The following ACYP2 variants were observed in gnomAD, a reference collection of about 807,000 sequenced individuals.
ACYP2 encodes the protein acylphosphatase 2, also known as acylphosphatase-2.
Under a neutral mutation model 11.2 loss-of-function variants are expected in ACYP2, and 12 were observed. The observed-to-expected ratio is 1.08, with a 90% CI of 0.69 to 1.74. The LOEUF (loss-of-function observed/expected upper bound fraction) is 1.74, where lower values mean the gene tolerates loss of function less well. Among genes scored for constraint, ACYP2 ranks in the 40% most tolerant of loss-of-function variants. The pLI is 0.00. For missense variants in ACYP2, 134 were observed against 101.9 expected (o/e 1.31, Z -1.35); for synonymous variants, 43 against 32.2 (o/e 1.33, Z -1.13).
At chr2:54,259,243 G>T (rs982554572) in intron 6 of ACYP2, among the ~76,000 whole-genome samples, 1 of 152,218 alleles carries the variant, frequency 6.6e-6, no homozygotes, top group Admixed American at 6.5e-5. Flanking sequence ...TGTTTGAGAT[G>T]ATTATTGGAC....
At chr2:54,200,384 G>A (rs138172734) in intron 6 of ACYP2, among the ~76,000 whole-genome samples, 4 of 152,038 alleles carry the variant, frequency 2.6e-5, no homozygotes, top group African/African-American at 9.7e-5. Context: ...ACTCAACAAG[G>A]CTTGAGTTGG....
intron 4 of ACYP2, among the ~76,000 whole-genome samples, chr2:54,117,318 G>A (rs1423651737): frequency 2.0e-5 from 3 of 152,082 alleles, no homozygotes; most frequent in South Asian, 2.1e-4. Flanking sequence ...AAGAGATGGA[G>A]TCTTGCTCTG....
chr2:54,013,197 A>G (rs1673475389), intron 2 of ACYP2, among the ~76,000 whole-genome samples: 2 of 110,290 alleles, frequency 1.8e-5, no homozygotes, highest in African/African-American at 7.1e-5. Flanking sequence ...ATCCTCAGCA[A>G]TTTCTGTTCC....
intron 6 of ACYP2, chr2:54,166,892 G>T (rs1184930496): frequency 6.6e-6 from 1 of 152,082 alleles, no homozygotes; most frequent in Non-Finnish European, 1.5e-5. Context: ...CAGCAGGCAG[G>T]CCCTCTTGAT....
At chr2:54,189,245 C>G (rs1684136678) in intron 6 of ACYP2, among the ~76,000 whole-genome samples, 1 of 152,160 alleles carries the variant, frequency 6.6e-6, no homozygotes, top group Non-Finnish European at 1.5e-5. Flanking sequence ...TAACTGTAGT[C>G]ATGTTGTCCA....
At chr2:54,008,410 A>G (rs1334252041) in intron 2 of ACYP2, among the ~76,000 whole-genome samples, 1 of 152,204 alleles carries the variant, frequency 6.6e-6, no homozygotes, top group Non-Finnish European at 1.5e-5. Context: ...AGGTTGCCTC[A>G]TGTGCACCTT....
intron 3 of ACYP2, chr2:54,051,622 C>T: frequency 2.7e-6 from 2 of 742,712 alleles, no homozygotes; most frequent in South Asian, 2.7e-5. Context: ...CTGCAGGTGA[C>T]AAGCAGCCTT....
chr2:54,158,461 C>T (rs1446379468), intron 6 of ACYP2, among the ~76,000 whole-genome samples: 1 of 152,094 alleles, frequency 6.6e-6, no homozygotes, highest in East Asian at 1.9e-4. Context: ...CAGCCTTGAC[C>T]TCTCAAAGCA....
chr2:54,064,851 C>A (rs183645189), intron 4 of ACYP2, among the ~76,000 whole-genome samples: 1 of 152,076 alleles, frequency 6.6e-6, no homozygotes, highest in East Asian at 1.9e-4. Flanking sequence ...TTTGGGAGGC[C>A]GAAGCGGGCG....
chr2:53,993,577 G>A (rs900781511), intron 2 of ACYP2, among the ~76,000 whole-genome samples: 30 of 151,760 alleles, frequency 2.0e-4, no homozygotes, highest in African/African-American at 7.3e-4. Flanking sequence ...GGCATCTGTA[G>A]TCTCAGCTCC....
chr2:54,182,256 C>T (rs149832184), intron 6 of ACYP2, among the ~76,000 whole-genome samples: 2,539 of 151,844 alleles, frequency 0.017, 68 homozygotes, highest in African/African-American at 0.057. Context: ...GACAGAGTTT[C>T]GTCATGTTGG....
chr2:54,176,284 G>A (rs1413907033), intron 6 of ACYP2, among the ~76,000 whole-genome samples: 1 of 152,200 alleles, frequency 6.6e-6, no homozygotes, highest in African/African-American at 2.4e-5. Flanking sequence ...GGGAAAGGGT[G>A]TGCCCTCCAC....
intron 6 of ACYP2, among the ~76,000 whole-genome samples, chr2:54,233,813 A>G (rs1010487417): frequency 7.9e-5 from 12 of 152,340 alleles, no homozygotes; most frequent in Non-Finnish European, 1.8e-4. Context: ...AACTTCAAAA[A>G]GGTCACGGGA....
In ACYP2 at chr2:54,106,891, G is replaced by C. The variant is rs141117172; in HGVS notation, c.278-28562G>C. Among the ~76,000 whole-genome samples the C allele has an allele frequency of 2.9e-4, 44 of 152,166 alleles. No individual in the cohort carries two copies. The South Asian group carries it at 8.3e-3, about 29-fold the overall frequency. The stretch of plus-strand genomic sequence containing the variant: ...GAGCCACCATGCCCGGCCAAATTTT[G>C]CTTTTCTTATAACATCCATATCTAA... On this transcript the variant is annotated intron_variant, in intron 4 of 6. Coordinates refer to ENST00000607452, the MANE Select transcript of ACYP2 (RefSeq NM_001320586.2).
Position 54,288,413 on chromosome 2 carries a change from C to T in ACYP2, c.405-16275C>T, listed in dbSNP as rs371081858. On this transcript the variant is annotated intron_variant, in intron 6 of 6. Transcript: ENST00000607452. Reference sequence around the variant, plus strand: ...AAAAAGGTGGGCCATATTACCATTTCTTCAGTGCTTCCTGGGGAAAAGGAT... The same window carrying T: ...AAAAAGGTGGGCCATATTACCATTTTTTCAGTGCTTCCTGGGGAAAAGGAT... Among the ~76,000 whole-genome samples, 102 of 152,086 alleles carry T rather than the reference C, an allele frequency of 6.7e-4. 2 individuals are homozygous for T. The highest frequency in any genetic ancestry group is 2.3e-3 in the African/African-American group (96 of 41,360).
At chr2:54,132,132 T>C (rs971615407) in intron 4 of ACYP2, among the ~76,000 whole-genome samples, 2 of 152,010 alleles carry the variant, frequency 1.3e-5, no homozygotes, top group Non-Finnish European at 2.9e-5. Context: ...ACTTGGTCAG[T>C]GTCTTACTGT....
chr2:54,066,893 A>G (rs1676780507), intron 4 of ACYP2, among the ~76,000 whole-genome samples: 1 of 152,224 alleles, frequency 6.6e-6, no homozygotes. Context: ...AAGCTTTTAA[A>G]AACATTAGAG....
At chr2:54,286,233 T>A (rs1409824023) in intron 6 of ACYP2, among the ~76,000 whole-genome samples, 1 of 151,990 alleles carries the variant, frequency 6.6e-6, no homozygotes, top group African/African-American at 2.4e-5. Context: ...GGCAATGCAG[T>A]ACATTGTAGA....
At chr2:54,135,103 T>A (rs1031115244) in intron 4 of ACYP2, among the ~76,000 whole-genome samples, 1 of 152,120 alleles carries the variant, frequency 6.6e-6, no homozygotes, top group African/African-American at 2.4e-5. Flanking sequence ...TTAAGTAAAA[T>A]AAGGGTTACT....
Sources: allele counts gnomAD v4.1 joint callset (sites outside exome capture counted in the v4.1 genomes callset), GRCh38; gene constraint gnomAD v4.1.1; transcripts MANE v1.5; gene names NCBI Gene and HGNC (gene_info 2026-07-23, HGNC 2026-07-21).